Variants in APBB2 observed in about 807,000 individuals in gnomAD.
APBB2 encodes the protein amyloid beta precursor protein binding family B member 2.
A neutral mutation model predicts 82.5 loss-of-function variants in APBB2; 38 were observed. The observed-to-expected ratio is 0.46, with a 90% confidence interval of 0.36 to 0.60. The LOEUF (loss-of-function observed/expected upper bound fraction) is 0.60. APBB2 is among the 20% of genes least tolerant of loss of function. The pLI is 0.00. For missense variants in APBB2, 772 were observed against 972.3 expected (o/e 0.79, Z 2.74); for synonymous variants, 341 against 368.2 (o/e 0.93, Z 0.85).
chr4:41,206,335 A>G (rs17443423), intron 1 of APBB2, among the ~76,000 whole-genome samples: 12,148 of 152,226 alleles, frequency 0.08, 690 homozygotes, highest in Non-Finnish European at 0.12. Context: ...CATCACACAC[A>G]TGCCTCTACT....
chr4:41,106,610 G>A (rs1489047120), intron 2 of APBB2, among the ~76,000 whole-genome samples: 1 of 152,068 alleles, frequency 6.6e-6, no homozygotes, highest in Admixed American at 6.6e-5. Flanking sequence ...CCAAGTAGCT[G>A]GGACTACAGG....
At chr4:41,191,272 C>T (rs1406044958) in intron 1 of APBB2, among the ~76,000 whole-genome samples, 3 of 152,180 alleles carry the variant, frequency 2.0e-5, no homozygotes, top group Non-Finnish European at 2.9e-5. Context: ...CTTATTAATG[C>T]CTATGTGCTT....
chr4:40,821,096 C>T (rs1294751856), intron 17 of APBB2, among the ~76,000 whole-genome samples: 1 of 152,112 alleles, frequency 6.6e-6, no homozygotes, highest in Non-Finnish European at 1.5e-5. Context: ...GAACTTCTGA[C>T]CTCAAGTGAT....
rs141579348 is a variant in APBB2, at chr4:40,950,715, C to T, written c.836-5642G>A. Among the ~76,000 whole-genome samples the T allele has an allele frequency of 7.2e-5, 11 of 152,096 alleles. No homozygotes were observed. In the East Asian group the frequency reaches 1.9e-3, roughly 27 times the overall value. On this transcript the variant is annotated intron_variant, in intron 6 of 17. Coordinates refer to ENST00000508593, the MANE Select transcript of APBB2 (RefSeq NM_004307.2). ...CAAATTAGCCGAGTGTGGTTGCATG[C>T]CCCTGTAGTCCCAGCTACTCAAGAT...
intron 3 of APBB2, among the ~76,000 whole-genome samples, chr4:41,074,608 A>ATTTTTTTT: frequency 7.3e-6 from 1 of 136,666 alleles, no homozygotes. Context: ...TATTATTATT[A>ATTTTTTTT]TTTTTTTTTT....
intron 1 of APBB2, among the ~76,000 whole-genome samples, chr4:41,164,218 C>T (rs1487002521): frequency 6.6e-6 from 1 of 152,028 alleles, no homozygotes; most frequent in Non-Finnish European, 1.5e-5. Context: ...TTGGTTTGAC[C>T]ACAACCCGTC....
At chr4:40,967,766 C>T (rs1176299866) in intron 6 of APBB2, among the ~76,000 whole-genome samples, 3 of 152,114 alleles carry the variant, frequency 2.0e-5, no homozygotes, top group African/African-American at 7.2e-5. Context: ...CCAGCAGGCC[C>T]GAGCAAAACT....
intron 4 of APBB2, among the ~76,000 whole-genome samples, chr4:41,064,958 A>ATAT (rs1306474111): frequency 1.4e-4 from 21 of 152,332 alleles, no homozygotes; most frequent in South Asian, 8.3e-4. Context: ...GTGATGAAAA[A>ATAT]GGAAAGCTTA....
chr4:41,155,487 C>T (rs1013249636), intron 1 of APBB2, among the ~76,000 whole-genome samples: 5 of 152,138 alleles, frequency 3.3e-5, no homozygotes, highest in African/African-American at 9.7e-5. Flanking sequence ...TGATGGGAAA[C>T]ACTGATCTAT....
At chr4:40,993,678 T>C (rs28539407) in intron 6 of APBB2, among the ~76,000 whole-genome samples, 24,369 of 151,998 alleles carry the variant, frequency 0.16, 1,996 homozygotes, top group Middle Eastern at 0.23. Context: ...TAAGCCATCA[T>C]GCCTGGCCAC....
chr4:40,951,383 G>A (rs115406772), intron 6 of APBB2, among the ~76,000 whole-genome samples: 27 of 152,326 alleles, frequency 1.8e-4, no homozygotes, highest in African/African-American at 6.5e-4. Context: ...CGGCCTAGTC[G>A]AGGTATTTTT....
chr4:41,037,309 C>T (rs769417549), intron 4 of APBB2, among the ~76,000 whole-genome samples: 2 of 151,998 alleles, frequency 1.3e-5, no homozygotes, highest in African/African-American at 2.4e-5. Flanking sequence ...TGTAAAATGT[C>T]TAATAATTTT....
chr4:40,878,376 A>G (rs1163951911), intron 12 of APBB2, among the ~76,000 whole-genome samples: 1 of 152,096 alleles, frequency 6.6e-6, no homozygotes, highest in Non-Finnish European at 1.5e-5. Context: ...AAACAAAAAA[A>G]ACAAAATAAA....
At chr4:40,918,189 T>C (rs1461246104) in intron 10 of APBB2, among the ~76,000 whole-genome samples, 1 of 152,238 alleles carries the variant, frequency 6.6e-6, no homozygotes, top group Non-Finnish European at 1.5e-5. Flanking sequence ...CAGCTTAATC[T>C]AGTGGGAAAG....
At chr4:40,846,849 C>T (rs766274329) in intron 12 of APBB2, among the ~76,000 whole-genome samples, 3 of 152,000 alleles carry the variant, frequency 2.0e-5, no homozygotes, top group African/African-American at 7.3e-5. Context: ...TAAAAGCAAC[C>T]AGGAAACGAG....
chr4:41,173,123 G>A (rs190918931), intron 1 of APBB2, among the ~76,000 whole-genome samples: 419 of 152,236 alleles, frequency 2.8e-3, no homozygotes, highest in Middle Eastern at 0.01. Context: ...TGGGAACAAA[G>A]TTCAACTGTA....
chr4:40,949,979 A>T (rs569202736), intron 6 of APBB2, among the ~76,000 whole-genome samples: 9 of 152,154 alleles, frequency 5.9e-5, no homozygotes, highest in Non-Finnish European at 1.0e-4. Flanking sequence ...GGACAGCCTA[A>T]AACGCACCGT....
At chr4:40,825,828 C>T (rs772959117) in intron 15 of APBB2, 59 bp downstream of exon 15, 39 of 1,399,378 alleles carry the variant, frequency 2.8e-5, no homozygotes, top group African/African-American at 8.5e-5. Flanking sequence ...GGAGGGCGAA[C>T]GCCTCCTGTG....
intron 5 of APBB2, among the ~76,000 whole-genome samples, chr4:41,031,429 T>C (rs16852739): frequency 0.046 from 6,975 of 152,214 alleles, 342 homozygotes; most frequent in African/African-American, 0.12. Flanking sequence ...TCCACTGAAC[T>C]AGGAATACCT....
Sources: allele counts gnomAD v4.1 joint callset (sites outside exome capture counted in the v4.1 genomes callset), GRCh38; gene constraint gnomAD v4.1.1; transcripts MANE v1.5; gene names NCBI Gene and HGNC (gene_info 2026-07-23, HGNC 2026-07-21).